Variants in PTK2B observed in about 807,000 individuals in gnomAD.
PTK2B encodes protein tyrosine kinase 2 beta, also known as protein-tyrosine kinase 2-beta.
Under a neutral mutation model 142.9 loss-of-function variants are expected in PTK2B, and 71 were observed. The ratio of observed to expected loss-of-function variants is 0.50; its 90% CI spans 0.41 to 0.61. PTK2B has a LOEUF of 0.61. Ranked by LOEUF, PTK2B falls within the 20% of genes least tolerant of loss-of-function variation. PTK2B has a pLI of 0.00. For synonymous variants in PTK2B, 519 were observed against 503.4 expected (o/e 1.03, Z -0.42); for missense variants, 1,105 against 1,320.4 (o/e 0.84, Z 2.53).
At chr8:27,369,839 T>C (rs532522996) in intron 1 of PTK2B, among the ~76,000 whole-genome samples, 1 of 152,162 alleles carries the variant, frequency 6.6e-6, no homozygotes, top group East Asian at 1.9e-4. Flanking sequence ...TAGCAAAGCA[T>C]GGTGGCATGT....
intron 1 of PTK2B, among the ~76,000 whole-genome samples, chr8:27,375,140 A>G (rs536677431): frequency 6.6e-6 from 1 of 152,312 alleles, no homozygotes; most frequent in East Asian, 1.9e-4. Flanking sequence ...CATCCATGTG[A>G]TCTCACAATC....
rs1217348761 is a variant in PTK2B at position 27,433,625 on chromosome 8, C to T, written c.1105+73C>T. 3 of 1,313,334 alleles carry T rather than the reference C, an allele frequency of 2.3e-6. No homozygotes were observed. The African/African-American group carries it at 4.4e-5, about 19-fold the overall frequency. The allele number at this position is 1,313,334 out of a possible 1,614,324, so 81.4% of individuals were successfully genotyped here. ...ACCCGAGTCCCCAGAGGCGGAGTGG[C>T]AGAAGCTAAGCCACTGATGGATAAG... On this transcript the variant is annotated intron_variant, in intron 11 of 30. Coordinates refer to ENST00000346049, the MANE Select transcript of PTK2B (RefSeq NM_173176.3).
intron 1 of PTK2B, among the ~76,000 whole-genome samples, chr8:27,387,620 A>G (rs976997765): frequency 6.6e-6 from 1 of 152,154 alleles, no homozygotes; most frequent in Non-Finnish European, 1.5e-5. Flanking sequence ...TTCACTGCTG[A>G]GGTGGGATCG....
intron 4 of PTK2B, among the ~76,000 whole-genome samples, chr8:27,421,512 T>C (rs189018114): frequency 8.6e-4 from 131 of 152,336 alleles, no homozygotes; most frequent in African/African-American, 3.0e-3. Flanking sequence ...TGCCTTTGCA[T>C]CATCATGGTT....
chr8:27,331,475 T>C (rs1227374895), intron 1 of PTK2B, among the ~76,000 whole-genome samples: 2 of 69,906 alleles, frequency 2.9e-5, no homozygotes, highest in East Asian at 2.3e-4. Context: ...TTTTTTCTTT[T>C]CTTTTTTTGA....
Position 27,458,605 on chromosome 8 carries a change from G to A in PTK2B, c.*96G>A, listed in dbSNP as rs1292059999. On this transcript the variant is annotated 3_prime_UTR_variant, in exon 31 of 31. Transcript: ENST00000346049. ...GTCATGTGGGTCTTCCAGGGGGAAG[G>A]CCAAGGGGAGTCACCTTCCCTTGCC... The A allele has an allele frequency of 7.8e-7, 1 of 1,284,780 alleles. No individual in the cohort carries two copies. The highest frequency in any genetic ancestry group is 1.1e-6 in the Non-Finnish European group (1 of 931,134). 79.6% of individuals were successfully genotyped at this position (1,284,780 alleles called of 1,614,324 possible).
At chr8:27,437,611 C>A in intron 17 of PTK2B, 115 bp downstream of exon 17, 1 of 1,201,254 alleles carries the variant, frequency 8.3e-7, no homozygotes, top group Non-Finnish European at 1.2e-6. Flanking sequence ...AGCCAGAGGC[C>A]CTGTTTGTCA....
Position 27,365,148 on chromosome 8 carries a change from C to T in PTK2B, c.-37-32400C>T, listed in dbSNP as rs188665980. ...CCCATGAGATGAAATTAACTTTCTT[C>T]ACCCATGCTGCTCCCCAGACATAAT... is the stretch of plus-strand genomic sequence containing the variant. On this transcript the variant is annotated intron_variant, in intron 1 of 30. Coordinates refer to ENST00000346049, the MANE Select transcript of PTK2B (RefSeq NM_173176.3). Among the ~76,000 whole-genome samples, 14 of 152,368 alleles carry T rather than the reference C, an allele frequency of 9.2e-5. No homozygotes were observed. The East Asian group carries it at 2.5e-3, about 27-fold the overall frequency.
chr8:27,388,721 C>T (rs1807524552), intron 1 of PTK2B, among the ~76,000 whole-genome samples: 1 of 152,192 alleles, frequency 6.6e-6, no homozygotes, highest in Admixed American at 6.5e-5. Context: ...GTATTTACAC[C>T]AGAGAAATTG....
intron 5 of PTK2B, among the ~76,000 whole-genome samples, chr8:27,429,054 G>C (rs897290561): frequency 6.6e-6 from 1 of 152,054 alleles, no homozygotes; most frequent in Non-Finnish European, 1.5e-5. Flanking sequence ...CGAGTAGTAC[G>C]TGCCACCATG....
Position 27,433,495 on chromosome 8 carries a change from G to A in PTK2B, c.1048G>A (p.Gly350Ser), listed in dbSNP as rs777736836. The A allele has an allele frequency of 6.8e-6, 11 of 1,614,080 alleles. No homozygotes were observed. The highest frequency in any genetic ancestry group is 5.5e-5 in the South Asian group (5 of 91,090). Reference sequence around the variant, plus strand: ...TGAGAACATGGCTGACCTCATAGACGGCTACTGCCGGCTGCAGGGTGAGCA... The same window carrying A: ...TGAGAACATGGCTGACCTCATAGACAGCTACTGCCGGCTGCAGGGTGAGCA... ...EAENMADLIDGYCRLQGEHQG... is the reference protein window; with the variant it reads ...EAENMADLIDSYCRLQGEHQG... The change falls in exon 11 of 31, where the codon GGC (glycine) becomes AGC (serine). Residue 350 changes from glycine (G) to serine (S), a missense_variant. By Grantham distance (56) the Gly-to-Ser change is moderately conservative (BLOSUM62 0). Coordinates refer to ENST00000346049, the MANE Select transcript of PTK2B (RefSeq NM_173176.3).
intron 1 of PTK2B, among the ~76,000 whole-genome samples, chr8:27,394,548 G>T (rs1225375611): frequency 6.6e-6 from 1 of 152,250 alleles, no homozygotes; most frequent in African/African-American, 2.4e-5. Flanking sequence ...GAGTGAGTGT[G>T]AGTGAATGTG....
chr8:27,375,280 C>T (rs1323262408), intron 1 of PTK2B, among the ~76,000 whole-genome samples: 1 of 152,222 alleles, frequency 6.6e-6, no homozygotes, highest in Non-Finnish European at 1.5e-5. Flanking sequence ...TTACCCTGTC[C>T]TTGACATGTA....
intron 9 of PTK2B, 106 bp from the exon 10 acceptor site, chr8:27,432,154 G>A (rs1320010071): frequency 1.1e-6 from 1 of 930,848 alleles, no homozygotes; most frequent in African/African-American, 1.6e-5. Flanking sequence ...TCATCTCCCA[G>A]AGAAACTCCC....
At position 27,314,895 on chromosome 8, in the gene PTK2B, A is replaced by G. The variant is rs142985576; in HGVS notation, c.-414+1608A>G. ...GGTGGCAGTGAGTCGAGATTGTGCC[A>G]GTGCACTCCAGCCCAGGTGACAGAG... On this transcript the variant is annotated intron_variant, in intron 3 of 35. Coordinates refer to the PTK2B transcript ENST00000397501. 9.9e-3 allele frequency among the ~76,000 whole-genome samples: 1,511 copies of G among 152,322 alleles called. 32 individuals carry two copies. Among genetic ancestry groups the G allele is most frequent in the African/African-American group, 0.034 (1,428 of 41,554 alleles).
chr8:27,458,441 A>C lies in PTK2B; in HGVS notation c.2962A>C (p.Lys988Gln). 1 of 1,609,250 alleles carries C rather than the reference A, an allele frequency of 6.2e-7. No individual in the cohort carries two copies. Among genetic ancestry groups the C allele is most frequent in the Non-Finnish European group, 8.5e-7 (1 of 1,177,774 alleles). The change falls in exon 31 of 31, where the codon AAG becomes CAG. Residue 988 changes from lysine (K) to glutamine (Q), a missense_variant. Lys to Gln is a moderately conservative substitution (Grantham distance 53). Coordinates refer to ENST00000346049, the MANE Select transcript of PTK2B (RefSeq NM_173176.3). Reference sequence around the variant, plus strand: ...TTCACACACCCTGGCTGTGGACGCCAAGAACCTGCTCGACGCTGTGGACCA... The same window carrying C: ...TTCACACACCCTGGCTGTGGACGCCCAGAACCTGCTCGACGCTGTGGACCA... The part of the protein sequence containing the change: ...TASHTLAVDA[K>Q]NLLDAVDQAK...
chr8:27,437,317 C>T, intron 16 of PTK2B, 79 bp from the exon 17 acceptor site: 5 of 1,545,824 alleles, frequency 3.2e-6, no homozygotes, highest in East Asian at 2.3e-5. Flanking sequence ...CCCGTCCTCC[C>T]AGCTAGAAGA....
chr8:27,383,281 C>T (rs547181290), intron 1 of PTK2B, among the ~76,000 whole-genome samples: 12 of 152,238 alleles, frequency 7.9e-5, no homozygotes, highest in African/African-American at 2.9e-4. Context: ...GAGTCTTGTT[C>T]TGTCACCCAA....
chr8:27,430,453 T>C lies in PTK2B; in HGVS notation c.669+35T>C, dbSNP rs570083360. The C allele has an allele frequency of 1.7e-5, 27 of 1,611,336 alleles. No individual in the cohort carries two copies. In the East Asian group the frequency reaches 4.0e-4, roughly 24 times the overall value. On this transcript the variant is annotated intron_variant, in intron 7 of 30. Transcript: ENST00000346049. Reference sequence around the variant, plus strand: ...CCAATGGGCGAGGACCTCTTCGTGCTGATTCCCGAGACTAGAGTGTAAGGG... The same window carrying C: ...CCAATGGGCGAGGACCTCTTCGTGCCGATTCCCGAGACTAGAGTGTAAGGG...
Sources: gnomAD v4.1 joint callset for allele counts (sites outside exome capture counted in the v4.1 genomes callset) on GRCh38, gnomAD v4.1.1 for gene constraint, MANE v1.5 for transcripts, NCBI Gene and HGNC (gene_info 2026-07-23, HGNC 2026-07-21) for gene names.